The following AUTS2 variants were observed in gnomAD, a reference collection of about 807,000 sequenced individuals.
The protein encoded by AUTS2 is autism susceptibility gene 2 protein.
AUTS2 carries 17 observed loss-of-function variants against 112.4 expected under a neutral mutation model. That is an observed-to-expected ratio of 0.15 (90% CI 0.10 to 0.23). The LOEUF is 0.23. Among genes scored for constraint, AUTS2 ranks in the 10% least tolerant of loss-of-function variants. AUTS2 has a pLI of 1.00. For synonymous variants in AUTS2, 751 were observed against 702.7 expected (o/e 1.07, Z -1.09); for missense variants, 1,510 against 1,701.6 (o/e 0.89, Z 1.98).
At chr7:69,747,534 T>A (rs896248091) in intron 1 of AUTS2, among the ~76,000 whole-genome samples, 10 of 152,224 alleles carry the variant, frequency 6.6e-5, no homozygotes, top group African/African-American at 2.4e-4. Context: ...TTGTTTTGTT[T>A]TCAGCATGAC....
At chr7:69,782,422 A>C (rs1438419410) in intron 1 of AUTS2, among the ~76,000 whole-genome samples, 1 of 150,722 alleles carries the variant, frequency 6.6e-6, no homozygotes, top group Non-Finnish European at 1.5e-5. Context: ...ATTGACTTCC[A>C]AGGTCTCATC....
intron 2 of AUTS2, among the ~76,000 whole-genome samples, chr7:70,088,510 CTACT>C (rs1365223650): frequency 6.8e-6 from 1 of 146,866 alleles, no homozygotes; most frequent in East Asian, 2.0e-4. Context: ...TTCCTGTATT[CTACT>C]TACTTTTGCT....
intron 4 of AUTS2, among the ~76,000 whole-genome samples, chr7:70,275,515 C>T (rs1012286023): frequency 2.6e-5 from 4 of 152,088 alleles, no homozygotes; most frequent in Admixed American, 2.6e-4. Flanking sequence ...TGCCACTGAC[C>T]ATATACTTAA....
rs78115269 is a variant in AUTS2 at position 70,123,778 on chromosome 7, A to G, written c.624+5545A>G. Among the ~76,000 whole-genome samples, 1,342 of 152,104 alleles carry G rather than the reference A, an allele frequency of 8.8e-3. 23 individuals are homozygous for G. The highest frequency in any genetic ancestry group is 0.031 in the African/African-American group (1,278 of 41,492). On this transcript the variant is annotated intron_variant, in intron 3 of 18. Transcript: ENST00000342771. ...ATGGGCATTTAGGTGTAGCCCGTGT[A>G]TTTGCTATTGTGAGTAGTGCTGCAG...
intron 5 of AUTS2, among the ~76,000 whole-genome samples, chr7:70,617,151 G>GTCTTGAAGA (rs1804415478): frequency 6.6e-6 from 1 of 152,134 alleles, no homozygotes; most frequent in Admixed American, 6.5e-5. Flanking sequence ...GACTTTCTTG[G>GTCTTGAAGA]CCTTTCCCTC....
chr7:70,702,082 A>AT (rs1439016978), intron 6 of AUTS2, among the ~76,000 whole-genome samples: 4 of 152,278 alleles, frequency 2.6e-5, no homozygotes, highest in Non-Finnish European at 5.9e-5. Flanking sequence ...TGGTCTGTAG[A>AT]CAAAAGTGCA....
intron 4 of AUTS2, among the ~76,000 whole-genome samples, chr7:70,416,673 C>T (rs1161083545): frequency 1.3e-5 from 2 of 152,354 alleles, no homozygotes; most frequent in African/African-American, 4.8e-5. Flanking sequence ...AAAATATGTT[C>T]TCTCGCCTAC....
intron 2 of AUTS2, among the ~76,000 whole-genome samples, chr7:70,102,651 C>CT (rs1486000830): frequency 1.3e-5 from 2 of 151,964 alleles, no homozygotes; most frequent in Non-Finnish European, 2.9e-5. Context: ...TTCTAATAAT[C>CT]TTATACTAAT....
chr7:70,385,344 A>G (rs924666287), intron 4 of AUTS2, among the ~76,000 whole-genome samples: 5 of 152,208 alleles, frequency 3.3e-5, no homozygotes, highest in African/African-American at 1.2e-4. Context: ...TGACTTTTTT[A>G]TCTTCTTGAT....
intron 12 of AUTS2, 48 bp from the exon 13 acceptor site, chr7:70,775,309 T>C (rs1260746154): frequency 1.3e-6 from 2 of 1,555,500 alleles, no homozygotes; most frequent in Non-Finnish European, 1.8e-6. Flanking sequence ...ATTAGAGCAA[T>C]TGTTTGAGTG....
At chr7:69,964,550 C>T (rs539522295) in intron 2 of AUTS2, among the ~76,000 whole-genome samples, 5 of 152,168 alleles carry the variant, frequency 3.3e-5, no homozygotes, top group Admixed American at 2.0e-4. Flanking sequence ...AAGGGGTCCT[C>T]GGTTTTCGTG....
At chr7:69,962,589 C>T (rs528504460) in intron 2 of AUTS2, among the ~76,000 whole-genome samples, 3 of 152,080 alleles carry the variant, frequency 2.0e-5, no homozygotes, top group South Asian at 2.1e-4. Flanking sequence ...TTAAGCTAAA[C>T]GTCTGAGTTG....
chr7:70,435,977 C>T (rs987606099), intron 5 of AUTS2, 196 bp downstream of exon 5: 7 of 524,808 alleles, frequency 1.3e-5, no homozygotes, highest in African/African-American at 1.1e-4. Context: ...ACCTTTTTTT[C>T]ATTTAAACAA....
chr7:69,936,044 A>G (rs1252449868), intron 2 of AUTS2, among the ~76,000 whole-genome samples: 1 of 152,246 alleles, frequency 6.6e-6, no homozygotes. Context: ...TGTATTCACA[A>G]TTTAGGAATT....
At chr7:70,279,245 T>G (rs1354482762) in intron 4 of AUTS2, among the ~76,000 whole-genome samples, 3 of 152,236 alleles carry the variant, frequency 2.0e-5, no homozygotes, top group Non-Finnish European at 4.4e-5. Context: ...TGGACCCTTT[T>G]GTTCAACTCA....
At chr7:70,248,650 T>C (rs1433805589) in intron 4 of AUTS2, among the ~76,000 whole-genome samples, 5 of 152,214 alleles carry the variant, frequency 3.3e-5, no homozygotes, top group Admixed American at 3.3e-4. Context: ...TCTGATTTCC[T>C]GCTTTTCTTT....
chr7:69,869,842 T>C (rs191140584), intron 1 of AUTS2, among the ~76,000 whole-genome samples: 3 of 152,262 alleles, frequency 2.0e-5, no homozygotes, highest in Admixed American at 1.3e-4. Context: ...AGTTCCTTAG[T>C]GTATAATCTT....
intron 4 of AUTS2, among the ~76,000 whole-genome samples, chr7:70,360,523 C>T (rs2129626372): frequency 6.6e-6 from 1 of 152,286 alleles, no homozygotes; most frequent in South Asian, 2.1e-4. Flanking sequence ...AGCACATTTT[C>T]AGACACACTA....
At chr7:69,940,861 G>GGGTGAGGGAGGAACCA (rs1476810362) in intron 2 of AUTS2, among the ~76,000 whole-genome samples, 1 of 152,148 alleles carries the variant, frequency 6.6e-6, no homozygotes, top group Non-Finnish European at 1.5e-5. Context: ...TGGGAGATGA[G>GGGTGAGGGAGGAACCA]GGTGAGGGAG....
Sources: allele counts gnomAD v4.1 joint callset (sites outside exome capture counted in the v4.1 genomes callset), GRCh38; gene constraint gnomAD v4.1.1; transcripts MANE v1.5; gene names NCBI Gene and HGNC (gene_info 2026-07-23, HGNC 2026-07-21).